Variants in KANK1 observed in about 807,000 individuals in gnomAD.
The protein encoded by KANK1 is KN motif and ankyrin repeat domains 1, also known as KN motif and ankyrin repeat domain-containing protein 1.
A neutral mutation model predicts 106.2 loss-of-function variants in KANK1; 109 were observed. The observed-to-expected ratio is 1.03, with a 90% confidence interval of 0.88 to 1.20. The LOEUF is 1.20. Among genes scored for constraint, KANK1 ranks in the 50% most tolerant of loss-of-function variants. The probability of loss-of-function intolerance (pLI) is 0.00; values close to 1 mark genes in which losing one functional copy is unlikely to be tolerated. For missense variants in KANK1, 2,399 were observed against 1,710.7 expected, an observed-to-expected ratio of 1.40 and a Z score of -7.10; for synonymous variants, 873 against 652.2, an observed-to-expected ratio of 1.34 and a Z score of -5.16.
At chr9:623,604 C>A (rs1343052495) in intron 1 of KANK1, among the ~76,000 whole-genome samples, 282 of 117,564 alleles carry the variant, frequency 2.4e-3, no homozygotes, top group African/African-American at 3.2e-3. Flanking sequence ...GATTGTGTCT[C>A]AAAAAAAAAA....
intron 1 of KANK1, among the ~76,000 whole-genome samples, chr9:664,927 G>A (rs1332064416): frequency 6.6e-6 from 1 of 152,144 alleles, no homozygotes; most frequent in Admixed American, 6.5e-5. Context: ...GATAATTACT[G>A]ATGTTGAGCA....
chr9:711,003 A>G lies in KANK1; in HGVS notation c.237A>G (p.Thr79=). Reference sequence around the variant, plus strand: ...TGCCATGCCCAGAACCCAGGACCACATCTGGTCAGCAAGGTATATGGACTT... The same window carrying G: ...TGCCATGCCCAGAACCCAGGACCACGTCTGGTCAGCAAGGTATATGGACTT... The part of the protein sequence containing the change: ...PSVPCPEPRT[T]SGQQGIWTST... The change falls in exon 3 of 12, where the codon ACA becomes ACG. Residue 79 remains threonine (T), a synonymous_variant. Transcript: ENST00000382297. The G allele has an allele frequency of 6.2e-7, 1 of 1,614,216 alleles. No individual in the cohort carries two copies. Among genetic ancestry groups the G allele is most frequent in the Non-Finnish European group, 8.5e-7 (1 of 1,180,036 alleles).
At chr9:660,355 G>C (rs906896415) in intron 1 of KANK1, 1 of 188,734 alleles carries the variant, frequency 5.3e-6, no homozygotes, top group South Asian at 1.1e-4. Flanking sequence ...GCTTGAATGA[G>C]GTTTTCCTTG....
chr9:511,343 C>G (rs2059019686), intron 1 of KANK1, among the ~76,000 whole-genome samples: 1 of 152,166 alleles, frequency 6.6e-6, no homozygotes, highest in Non-Finnish European at 1.5e-5. Context: ...CTTCCTGTGA[C>G]TTGTGACTGC....
chr9:647,215 A>T (rs1839863901), intron 1 of KANK1, among the ~76,000 whole-genome samples: 1 of 150,772 alleles, frequency 6.6e-6, no homozygotes, highest in African/African-American at 2.5e-5. Context: ...TTTTTGGATT[A>T]CTTTATTTAC....
chr9:470,677 A>G (rs2058001590), exon 2 of KANK1: 1 of 152,272 alleles, frequency 6.6e-6, no homozygotes, highest in Admixed American at 6.5e-5. Flanking sequence ...CACAGCCACG[A>G]GTGAGGTTTG....
intron 1 of KANK1, among the ~76,000 whole-genome samples, chr9:581,069 G>A (rs530615514): frequency 6.6e-5 from 10 of 152,108 alleles, no homozygotes; most frequent in Non-Finnish European, 1.3e-4. Context: ...GGCCCGCCGA[G>A]CCCACACCTA....
intron 1 of KANK1, among the ~76,000 whole-genome samples, chr9:515,765 G>A (rs1242451202): frequency 2.0e-5 from 3 of 151,826 alleles, no homozygotes; most frequent in Non-Finnish European, 4.4e-5. Flanking sequence ...TTTAAAAAGG[G>A]GAATTGTTAA....
At chr9:483,271 G>T (rs954743278) in intron 3 of KANK1, among the ~76,000 whole-genome samples, 5 of 152,188 alleles carry the variant, frequency 3.3e-5, no homozygotes, top group Admixed American at 2.0e-4. Flanking sequence ...TTAGAGGGGA[G>T]TATGGTAATG....
chr9:568,182 G>A (rs184956919), intron 1 of KANK1, among the ~76,000 whole-genome samples: 315 of 152,236 alleles, frequency 2.1e-3, no homozygotes, highest in African/African-American at 7.1e-3. Flanking sequence ...TATCTATAAT[G>A]CATGTTAAAA....
intron 8 of KANK1, among the ~76,000 whole-genome samples, chr9:739,629 C>G (rs1834817244): frequency 6.6e-6 from 1 of 152,178 alleles, no homozygotes; most frequent in South Asian, 2.1e-4. Context: ...TAGATAATAT[C>G]CAGGGAAGCT....
intron 1 of KANK1, among the ~76,000 whole-genome samples, chr9:546,422 G>A (rs1260364519): frequency 1.3e-5 from 2 of 151,954 alleles, no homozygotes; most frequent in Admixed American, 1.3e-4. Context: ...CACCAGTTGT[G>A]CTGAGAAACG....
Position 647,999 on chromosome 9 carries a change from CT to C in KANK1, c.-83-28871del, listed in dbSNP as rs59053892. On this transcript the variant is annotated intron_variant, in intron 1 of 11. Coordinates refer to ENST00000382297, the MANE Select transcript of KANK1 (RefSeq NM_015158.5). Reference sequence around the variant, plus strand: ...GACCACCATTTCTGGGGGTTGTTATCTTTTTTTTTTTTTTTTTTTTGATACA... The same window carrying C: ...GACCACCATTTCTGGGGGTTGTTATCTTTTTTTTTTTTTTTTTTTGATACA... 2.4e-3 allele frequency among the ~76,000 whole-genome samples: 279 copies of C among 118,298 alleles called. 2 individuals carry two copies. Among genetic ancestry groups the C allele is most frequent in the East Asian group, 7.3e-3 (30 of 4,136 alleles). The allele number at this position is 118,298 out of a possible 152,430, so 77.6% of individuals were successfully genotyped here. A position where few individuals can be genotyped will look rare whatever the true frequency, so the allele number is the denominator to read the frequency against.
chr9:535,611 A>T (rs1299872928), intron 1 of KANK1, among the ~76,000 whole-genome samples: 1 of 152,210 alleles, frequency 6.6e-6, no homozygotes, highest in Non-Finnish European at 1.5e-5. Flanking sequence ...GAAACAGACA[A>T]TACAGTACAC....
At chr9:716,008 G>A (rs1827597051) in intron 3 of KANK1, among the ~76,000 whole-genome samples, 1 of 152,192 alleles carries the variant, frequency 6.6e-6, no homozygotes, top group African/African-American at 2.4e-5. Context: ...CCACAGTCTA[G>A]AATGTATTTC....
intron 3 of KANK1, among the ~76,000 whole-genome samples, chr9:496,109 T>C (rs1000961140): frequency 1.6e-4 from 25 of 152,224 alleles, no homozygotes; most frequent in Non-Finnish European, 3.2e-4. Context: ...TTGCAGCTAT[T>C]TGAACCTCTG....
intron 5 of KANK1, chr9:731,842 G>C (rs572512028): frequency 6.5e-6 from 1 of 154,478 alleles, no homozygotes; most frequent in Admixed American, 6.4e-5. Context: ...TCAATGAATT[G>C]ATACATGGCC....
rs190113392 is a variant in KANK1, at chr9:520,661, A to T, written c.-84+15907A>T. ...TCAGAAATAGTTTTTAGAATTGGTT[A>T]AATCTGCACTTTGGGTTTTATTTTG... is the stretch of plus-strand genomic sequence containing the variant. On this transcript the variant is annotated intron_variant, in intron 1 of 11. Coordinates refer to ENST00000382297, the MANE Select transcript of KANK1 (RefSeq NM_015158.5). 6.3e-4 allele frequency among the ~76,000 whole-genome samples: 95 copies of T among 151,968 alleles called. 5 individuals carry two copies. In the Middle Eastern group the frequency reaches 0.01, roughly 16 times the overall value.
intron 1 of KANK1, among the ~76,000 whole-genome samples, chr9:640,542 C>T (rs184791167): frequency 3.3e-3 from 506 of 151,950 alleles, no homozygotes; most frequent in Admixed American, 6.1e-3. Context: ...GGATTACAGG[C>T]GCCTACCATC....
Sources: gnomAD v4.1 joint callset for allele counts (sites outside exome capture counted in the v4.1 genomes callset) on GRCh38, gnomAD v4.1.1 for gene constraint, MANE v1.5 for transcripts, NCBI Gene and HGNC (gene_info 2026-07-23, HGNC 2026-07-21) for gene names.